The following CLVS1 variants were observed in gnomAD, a reference collection of about 807,000 sequenced individuals.
CLVS1 encodes the protein clavesin 1.
A neutral mutation model predicts 33.1 loss-of-function variants in CLVS1; 10 were observed. The observed-to-expected ratio is 0.30, with a 90% confidence interval of 0.19 to 0.51. CLVS1 has a LOEUF of 0.51. Among genes scored for constraint, CLVS1 ranks in the 20% least tolerant of loss-of-function variants. The pLI, the probability that CLVS1 is intolerant of heterozygous loss-of-function variation, is 0.97. For missense variants in CLVS1, 343 were observed against 433.4 expected (o/e 0.79, Z 1.85); for synonymous variants, 163 against 166.1 (o/e 0.98, Z 0.14).
intron 2 of CLVS1, among the ~76,000 whole-genome samples, chr8:61,246,769 T>A (rs1180711116): frequency 6.6e-6 from 1 of 152,114 alleles, no homozygotes; most frequent in African/African-American, 2.4e-5. Flanking sequence ...ACTGCATACA[T>A]GTTCTCTCTA....
chr8:61,124,298 T>A (rs1049967834), intron 1 of CLVS1, among the ~76,000 whole-genome samples: 6 of 152,252 alleles, frequency 3.9e-5, no homozygotes, highest in Middle Eastern at 3.4e-3. Context: ...CTGAAAAAAA[T>A]AAGCAAACTA....
At chr8:61,133,074 C>T (rs1413916615) in intron 2 of CLVS1, among the ~76,000 whole-genome samples, 5 of 152,162 alleles carry the variant, frequency 3.3e-5, no homozygotes, top group Admixed American at 6.5e-5. Flanking sequence ...CATGCTTCCA[C>T]TGCAAAGTCT....
intron 1 of CLVS1, among the ~76,000 whole-genome samples, chr8:61,289,333 A>G (rs983521783): frequency 1.3e-5 from 2 of 152,220 alleles, no homozygotes; most frequent in African/African-American, 4.8e-5. Flanking sequence ...AAGTTGGAAC[A>G]CCTTTCAAAT....
chr8:61,305,746 C>T (rs1301043535), intron 2 of CLVS1, among the ~76,000 whole-genome samples: 1 of 152,082 alleles, frequency 6.6e-6, no homozygotes, highest in African/African-American at 2.4e-5. Context: ...GTTTATTGTT[C>T]CCCTTTATGT....
At chr8:61,048,763 G>A in the CLVS1 span, among the ~76,000 whole-genome samples, 24 of 152,090 alleles carry the variant, frequency 1.6e-4, no homozygotes, top group African/African-American at 5.6e-4. Flanking sequence ...CCAGGACAAG[G>A]CTAGACTCTA....
chr8:61,052,013 G>A, the CLVS1 span, among the ~76,000 whole-genome samples: 1 of 152,366 alleles, frequency 6.6e-6, no homozygotes, highest in Non-Finnish European at 1.5e-5. Flanking sequence ...CCTGGGCTGT[G>A]ACCCTGTGTT....
At chr8:61,470,368 C>G (rs1474579017) in intron 5 of CLVS1, among the ~76,000 whole-genome samples, 1 of 152,082 alleles carries the variant, frequency 6.6e-6, no homozygotes, top group Non-Finnish European at 1.5e-5. Context: ...TACTGGCAGA[C>G]AAAAGAAATA....
At chr8:61,470,068 A>G (rs987284444) in intron 5 of CLVS1, among the ~76,000 whole-genome samples, 1 of 152,224 alleles carries the variant, frequency 6.6e-6, no homozygotes, top group African/African-American at 2.4e-5. Flanking sequence ...GAATTTGTTA[A>G]CATTTCTTAA....
At chr8:61,053,994 T>G (rs1011763301), upstream of CLVS1, among the ~76,000 whole-genome samples, 4 of 152,196 alleles carry the variant, frequency 2.6e-5, no homozygotes. Context: ...AGACAATAAA[T>G]TCTCTACTTG....
At chr8:61,317,702 T>C (rs1394650204) in intron 2 of CLVS1, among the ~76,000 whole-genome samples, 4 of 152,214 alleles carry the variant, frequency 2.6e-5, no homozygotes, top group Non-Finnish European at 5.9e-5. Flanking sequence ...TTTTACATGT[T>C]ATTTCCAAAA....
intron 3 of CLVS1, among the ~76,000 whole-genome samples, chr8:61,396,934 C>T (rs1814551198): frequency 6.6e-6 from 1 of 152,090 alleles, no homozygotes; most frequent in South Asian, 2.1e-4. Context: ...ATTCATTTGT[C>T]AGTTAATGGC....
chr8:61,390,125 A>AT (rs1439041755), intron 3 of CLVS1, among the ~76,000 whole-genome samples: 1 of 152,270 alleles, frequency 6.6e-6, no homozygotes, highest in Non-Finnish European at 1.5e-5. Flanking sequence ...CTGTAAAAAG[A>AT]TTTTTTCCTT....
intron 2 of CLVS1, among the ~76,000 whole-genome samples, chr8:61,319,235 G>A (rs1811114330): frequency 6.6e-6 from 1 of 152,122 alleles, no homozygotes. Flanking sequence ...TCTGCTGTTA[G>A]AGCAGCCCTA....
At chr8:61,157,961 C>T (rs1344118927) in intron 2 of CLVS1, among the ~76,000 whole-genome samples, 2 of 152,050 alleles carry the variant, frequency 1.3e-5, no homozygotes, top group Non-Finnish European at 2.9e-5. Flanking sequence ...GTTAAACATA[C>T]ATCCAGCCTA....
chr8:61,154,972 G>A (rs1806620595), intron 2 of CLVS1, among the ~76,000 whole-genome samples: 1 of 152,190 alleles, frequency 6.6e-6, no homozygotes, highest in South Asian at 2.1e-4. Context: ...GCAGGCCCAT[G>A]TGAGTAGGTG....
chr8:61,155,234 G>A (rs1806626646), intron 2 of CLVS1, among the ~76,000 whole-genome samples: 1 of 152,182 alleles, frequency 6.6e-6, no homozygotes, highest in Non-Finnish European at 1.5e-5. Flanking sequence ...GATACGCATA[G>A]CACCTCTACA....
intron 5 of CLVS1, among the ~76,000 whole-genome samples, chr8:61,475,849 T>A (rs1002558555): frequency 7.9e-5 from 12 of 152,234 alleles, no homozygotes; most frequent in African/African-American, 2.9e-4. Context: ...GCTTTTGGTG[T>A]TTTAGTCAAG....
chr8:61,211,325 C>A (rs1030582049), intron 2 of CLVS1, among the ~76,000 whole-genome samples: 6 of 151,630 alleles, frequency 4.0e-5, no homozygotes, highest in African/African-American at 1.5e-4. Flanking sequence ...CCTTCTCTTC[C>A]CCTTTCCTTC....
At chr8:61,120,917 G>C (rs1185727883) in intron 1 of CLVS1, among the ~76,000 whole-genome samples, 3 of 148,380 alleles carry the variant, frequency 2.0e-5, no homozygotes, top group African/African-American at 7.6e-5. Context: ...CCAGCTTCCT[G>C]GCTGCTTTGT....
Sources: allele counts gnomAD v4.1 joint callset (sites outside exome capture counted in the v4.1 genomes callset), GRCh38; gene constraint gnomAD v4.1.1; transcripts MANE v1.5; gene names NCBI Gene and HGNC (gene_info 2026-07-23, HGNC 2026-07-21).